Variants in TRPM3 observed in about 807,000 individuals in gnomAD.
TRPM3 encodes long transient receptor potential channel 3.
TRPM3 carries 77 observed loss-of-function variants against 181.2 expected under a neutral mutation model. The ratio of observed to expected loss-of-function variants is 0.42; its 90% CI spans 0.35 to 0.51. The LOEUF is 0.51. Among genes scored for constraint, TRPM3 ranks in the 20% least tolerant of loss-of-function variants. The pLI is 0.01. For synonymous variants in TRPM3, 745 were observed against 796.4 expected (o/e 0.94, Z 1.09); for missense variants, 1,759 against 2,196.7 (o/e 0.80, Z 3.98).
At chr9:71,399,832 A>G (rs1215704285) in intron 1 of TRPM3, among the ~76,000 whole-genome samples, 1 of 152,022 alleles carries the variant, frequency 6.6e-6, no homozygotes, top group East Asian at 1.9e-4. Flanking sequence ...CGCCCAGCCT[A>G]TATTTTCTTT....
At chr9:71,374,321 C>G (rs1441489370) in intron 1 of TRPM3, among the ~76,000 whole-genome samples, 1 of 152,092 alleles carries the variant, frequency 6.6e-6, no homozygotes, top group Non-Finnish European at 1.5e-5. Context: ...CTGCAGTGAG[C>G]CAAGATCATG....
chr9:71,016,904 G>C (rs2097789501), intron 1 of TRPM3, among the ~76,000 whole-genome samples: 1 of 152,028 alleles, frequency 6.6e-6, no homozygotes, highest in Admixed American at 6.6e-5. Flanking sequence ...ACCAACACTT[G>C]TTATTTTCTG....
chr9:71,426,814 G>A (rs1466159123), intron 1 of TRPM3, among the ~76,000 whole-genome samples: 2 of 151,214 alleles, frequency 1.3e-5, no homozygotes, highest in Admixed American at 6.6e-5. Context: ...TTACTAAGGC[G>A]TTAAGACCAA....
intron 1 of TRPM3, among the ~76,000 whole-genome samples, chr9:71,182,073 G>A (rs2077436943): frequency 6.6e-6 from 1 of 152,064 alleles, no homozygotes; most frequent in Admixed American, 6.6e-5. Context: ...ACATAACTCA[G>A]ATGTCTTGTT....
intron 1 of TRPM3, among the ~76,000 whole-genome samples, chr9:71,060,232 G>A (rs1276218530): frequency 6.6e-6 from 1 of 152,072 alleles, no homozygotes; most frequent in Non-Finnish European, 1.5e-5. Flanking sequence ...ACTGTGTTCT[G>A]TGGAAGAAAG....
At chr9:71,166,239 G>A (rs2076535447) in intron 1 of TRPM3, among the ~76,000 whole-genome samples, 1 of 152,078 alleles carries the variant, frequency 6.6e-6, no homozygotes, top group African/African-American at 2.4e-5. Flanking sequence ...ACCAAATGGA[G>A]GATGAACAAA....
chr9:71,186,678 G>T (rs1046243582), intron 1 of TRPM3, among the ~76,000 whole-genome samples: 9 of 152,064 alleles, frequency 5.9e-5, no homozygotes, highest in Non-Finnish European at 1.0e-4. Flanking sequence ...TTACTAATTA[G>T]AAATATATTA....
At chr9:70,595,750 T>C (rs2058905629) in intron 21 of TRPM3, among the ~76,000 whole-genome samples, 1 of 152,234 alleles carries the variant, frequency 6.6e-6, no homozygotes, top group Non-Finnish European at 1.5e-5. Context: ...TCTCTGCTTT[T>C]AGACAGGAAT....
intron 1 of TRPM3, among the ~76,000 whole-genome samples, chr9:71,445,114 C>G (rs778685724): frequency 1.3e-5 from 2 of 152,096 alleles, no homozygotes. Context: ...AGGTAACAAA[C>G]CTGCAATCAT....
At chr9:70,778,267 T>C (rs181298360) in intron 7 of TRPM3, among the ~76,000 whole-genome samples, 13 of 152,318 alleles carry the variant, frequency 8.5e-5, no homozygotes, top group Admixed American at 7.8e-4. Context: ...TCGTGAAGAA[T>C]GCGCCACGCA....
intron 1 of TRPM3, among the ~76,000 whole-genome samples, chr9:71,367,959 G>GTGTGTA (rs1186543028): frequency 6.5e-5 from 9 of 138,284 alleles, no homozygotes; most frequent in East Asian, 2.0e-4. Context: ...GTGTGTGTGT[G>GTGTGTA]TATATATATA....
At chr9:70,621,353 T>TA (rs2063607645) in intron 14 of TRPM3, 80 bp from the exon 15 acceptor site, 4 of 1,126,818 alleles carry the variant, frequency 3.5e-6, no homozygotes, top group Non-Finnish European at 4.9e-6. Flanking sequence ...CTATTATATA[T>TA]TTTTTGTTTT....
intron 1 of TRPM3, among the ~76,000 whole-genome samples, chr9:71,394,038 C>G (rs751501865): frequency 6.6e-6 from 1 of 152,016 alleles, no homozygotes; most frequent in Admixed American, 6.6e-5. Flanking sequence ...GAGAAGAGAT[C>G]CACTGATTTC....
Position 70,777,007 on chromosome 9 carries a change from T to G in TRPM3, c.1148+7098A>C, listed in dbSNP as rs145144929. On this transcript the variant is annotated intron_variant, in intron 7 of 25. Coordinates refer to ENST00000677713, the MANE Select transcript of TRPM3 (RefSeq NM_001366145.2). ...GGTGATTCTCAGACATGCTGAAGTT[T>G]GATAACCACGTTTATTTGGATTTTT... is the stretch of plus-strand genomic sequence containing the variant. 3.0e-3 allele frequency among the ~76,000 whole-genome samples: 459 copies of G among 152,252 alleles called. 2 individuals are homozygous for G. Among genetic ancestry groups the G allele is most frequent in the African/African-American group, 0.01 (430 of 41,558 alleles).
intron 1 of TRPM3, among the ~76,000 whole-genome samples, chr9:71,343,646 T>C (rs1441575127): frequency 1.3e-5 from 2 of 152,106 alleles, no homozygotes; most frequent in Non-Finnish European, 2.9e-5. Flanking sequence ...TAAATATATA[T>C]TTATATTCTA....
At chr9:71,041,456 G>A (rs2058809873) in intron 1 of TRPM3, among the ~76,000 whole-genome samples, 1 of 152,096 alleles carries the variant, frequency 6.6e-6, no homozygotes, top group African/African-American at 2.4e-5. Context: ...GATCAGCTTG[G>A]TGGAGAGGTA....
intron 1 of TRPM3, among the ~76,000 whole-genome samples, chr9:71,116,982 G>A (rs2072537125): frequency 6.6e-6 from 1 of 152,128 alleles, no homozygotes; most frequent in East Asian, 1.9e-4. Context: ...TCTAGCCCGG[G>A]AAAGAGGAAC....
chr9:71,392,104 A>G (rs1232942150), intron 1 of TRPM3, among the ~76,000 whole-genome samples: 1 of 152,144 alleles, frequency 6.6e-6, no homozygotes, highest in Non-Finnish European at 1.5e-5. Context: ...GAGAAAAGCC[A>G]ATTTAGAAAA....
chr9:71,201,389 T>C (rs1742253480), intron 1 of TRPM3, among the ~76,000 whole-genome samples: 1 of 152,164 alleles, frequency 6.6e-6, no homozygotes. Context: ...TTTGTGGTGT[T>C]CTCTGTATTT....
Sources: allele counts gnomAD v4.1 joint callset (sites outside exome capture counted in the v4.1 genomes callset), GRCh38; gene constraint gnomAD v4.1.1; transcripts MANE v1.5; gene names NCBI Gene and HGNC (gene_info 2026-07-23, HGNC 2026-07-21).